Variants in PHTF2 observed in about 807,000 individuals in gnomAD.
PHTF2 encodes the protein putative homeodomain transcription factor 2, also known as protein PHTF2.
PHTF2 carries 60 observed loss-of-function variants against 101.2 expected under a neutral mutation model. That is an observed-to-expected ratio of 0.59 (90% CI 0.48 to 0.73). The LOEUF is 0.73. PHTF2 is among the 30% of genes least tolerant of loss of function. The pLI, the probability that PHTF2 is intolerant of heterozygous loss-of-function variation, is 0.00. For synonymous variants in PHTF2, 311 were observed against 307.3 expected, an observed-to-expected ratio of 1.01 and a Z score of -0.13; for missense variants, 747 against 908.7, an observed-to-expected ratio of 0.82 and a Z score of 2.29.
rs190958971 is a variant in PHTF2 at position 77,926,012 on chromosome 7, C to T, written c.1120-3097C>T. 5.4e-3 allele frequency among the ~76,000 whole-genome samples: 826 copies of T among 151,836 alleles called. 8 individuals carry two copies. Among genetic ancestry groups the T allele is most frequent in the African/African-American group, 0.019 (781 of 41,426 alleles). Reference sequence around the variant, plus strand: ...CAGAGGTTGCAGTGAGCCGAGATCACGCCACTGCATCCAGCGTGGTGACAG... The same window carrying T: ...CAGAGGTTGCAGTGAGCCGAGATCATGCCACTGCATCCAGCGTGGTGACAG... On this transcript the variant is annotated intron_variant, in intron 11 of 19. Transcript: ENST00000416283.
At chr7:77,908,936 A>G in exon 8 of PHTF2, 1 of 1,607,954 alleles carries the variant, frequency 6.2e-7, no homozygotes, top group Non-Finnish European at 8.5e-7. Flanking sequence ...ACCTCCTCTA[A>G]GTACAGGGGG....
At chr7:77,888,732 T>G (rs1800095242) in intron 3 of PHTF2, among the ~76,000 whole-genome samples, 1 of 152,204 alleles carries the variant, frequency 6.6e-6, no homozygotes, top group South Asian at 2.1e-4. Context: ...GAACTATAAT[T>G]GAACTTGGCC....
chr7:77,898,951 C>A (rs1801128572), intron 5 of PHTF2, among the ~76,000 whole-genome samples: 1 of 152,078 alleles, frequency 6.6e-6, no homozygotes, highest in Non-Finnish European at 1.5e-5. Flanking sequence ...CAGGCGAGTG[C>A]CACCATGCCC....
chr7:77,931,254 T>G lies in PHTF2; in HGVS notation c.1338+1927T>G, dbSNP rs1183051991. On this transcript the variant is annotated intron_variant, in intron 12 of 19. Transcript: ENST00000416283. ...AAGATATAAAAAGCACAAACAAAAA[T>G]GGAGAGATAAATTTGAATATCTTAA... Among the ~76,000 whole-genome samples the G allele has an allele frequency of 2.0e-5, 3 of 152,252 alleles. No individual in the cohort carries two copies. In the East Asian group the frequency reaches 5.8e-4, roughly 29 times the overall value.
intron 5 of PHTF2, among the ~76,000 whole-genome samples, chr7:77,899,829 T>G (rs1374407914): frequency 2.6e-5 from 4 of 152,226 alleles, no homozygotes; most frequent in Non-Finnish European, 4.4e-5. Context: ...TAAACACTTG[T>G]GTCATCTCGC....
intron 1 of PHTF2, among the ~76,000 whole-genome samples, chr7:77,823,115 A>G (rs1794433706): frequency 6.6e-6 from 1 of 152,022 alleles, no homozygotes; most frequent in African/African-American, 2.4e-5. Flanking sequence ...CGTGTTAGCC[A>G]GGATGGTCTC....
chr7:77,818,298 A>G (rs761345995), intron 1 of PHTF2, among the ~76,000 whole-genome samples: 9 of 152,040 alleles, frequency 5.9e-5, no homozygotes, highest in South Asian at 2.1e-4. Flanking sequence ...TTTGTTGCCT[A>G]TGTTTTTGAG....
Position 77,946,002 on chromosome 7 carries a change from A to G in PHTF2, c.1959+3216A>G, listed in dbSNP as rs796793696. ...CTAATATAACCTTGATGCCAGTACCATAGAGCTAGTATGAAAATGGGAAAC... is the reference window on the plus strand; with the variant it reads ...CTAATATAACCTTGATGCCAGTACCGTAGAGCTAGTATGAAAATGGGAAAC... On this transcript the variant is annotated intron_variant, in intron 16 of 19. Coordinates refer to ENST00000416283, the Ensembl canonical transcript of PHTF2. Among the ~76,000 whole-genome samples, 4 of 152,316 alleles carry G rather than the reference A, an allele frequency of 2.6e-5. No homozygotes were observed. In the South Asian group the frequency reaches 6.2e-4, roughly 24 times the overall value.
At chr7:77,867,676 G>A (rs188389398) in intron 3 of PHTF2, among the ~76,000 whole-genome samples, 170 of 152,308 alleles carry the variant, frequency 1.1e-3, no homozygotes, top group African/African-American at 3.7e-3. Context: ...GGGAAAGGGC[G>A]CAGCTAAGGA....
chr7:77,870,041 C>G (rs2150710583), intron 3 of PHTF2, among the ~76,000 whole-genome samples: 1 of 152,130 alleles, frequency 6.6e-6, no homozygotes, highest in East Asian at 1.9e-4. Flanking sequence ...TGCAGGTTGT[C>G]TCTTCACTCT....
intron 3 of PHTF2, among the ~76,000 whole-genome samples, chr7:77,889,602 T>TC (rs893608534): frequency 6.7e-6 from 1 of 148,966 alleles, no homozygotes; most frequent in African/African-American, 2.5e-5. Context: ...TCCTTTTTTT[T>TC]TTTTTTTGAG....
At chr7:77,883,263 A>G (rs1799561283) in intron 3 of PHTF2, among the ~76,000 whole-genome samples, 1 of 152,150 alleles carries the variant, frequency 6.6e-6, no homozygotes, top group South Asian at 2.1e-4. Flanking sequence ...TTTCTGGATG[A>G]GATTTGTCTG....
At chr7:77,881,081 ACT>A (rs925357537) in intron 3 of PHTF2, among the ~76,000 whole-genome samples, 2 of 151,560 alleles carry the variant, frequency 1.3e-5, no homozygotes, top group African/African-American at 4.9e-5. Context: ...CATTCCCCAA[ACT>A]CCCCAGCTTC....
intron 1 of PHTF2, among the ~76,000 whole-genome samples, chr7:77,812,216 A>G (rs982394823): frequency 1.3e-5 from 2 of 152,226 alleles, no homozygotes; most frequent in Admixed American, 6.5e-5. Context: ...TGCTGATTAT[A>G]TTAAGTTGTT....
chr7:77,899,399 G>A (rs1051228289), intron 5 of PHTF2, among the ~76,000 whole-genome samples: 1 of 151,926 alleles, frequency 6.6e-6, no homozygotes, highest in African/African-American at 2.4e-5. Context: ...TAGGGCAAAA[G>A]CACCGTGAAC....
At chr7:77,942,620 T>G (rs1805720236) in intron 15 of PHTF2, 80 bp from the exon 15 acceptor site, 4 of 768,418 alleles carry the variant, frequency 5.2e-6, no homozygotes, top group Non-Finnish European at 8.5e-6. Flanking sequence ...ACACCTTTAT[T>G]GAAACCATGG....
intron 11 of PHTF2, among the ~76,000 whole-genome samples, chr7:77,924,427 T>G (rs930315805): frequency 1.3e-5 from 2 of 152,172 alleles, no homozygotes; most frequent in African/African-American, 4.8e-5. Context: ...TGATTCCTGA[T>G]TGTCGTTTGT....
chr7:77,862,904 T>G lies in PHTF2; in HGVS notation c.147+8070T>G, dbSNP rs1797759468. Among the ~76,000 whole-genome samples, 3 of 152,340 alleles carry G rather than the reference T, an allele frequency of 2.0e-5. No individual in the cohort carries two copies. In the South Asian group the frequency reaches 6.2e-4, roughly 32 times the overall value. Reference sequence around the variant, plus strand: ...CTAAAACACTGTAGTTAACCTGCTGTATGTTTACAGTTCTACAAAGAATGA... The same window carrying G: ...CTAAAACACTGTAGTTAACCTGCTGGATGTTTACAGTTCTACAAAGAATGA... On this transcript the variant is annotated intron_variant, in intron 3 of 19. Transcript: ENST00000416283.
chr7:77,916,606 G>A (rs1462102901), intron 9 of PHTF2, among the ~76,000 whole-genome samples: 1 of 152,006 alleles, frequency 6.6e-6, no homozygotes, highest in East Asian at 1.9e-4. Context: ...ATCCATGGGA[G>A]ATTGGTTCTG....
Sources: allele counts gnomAD v4.1 joint callset (sites outside exome capture counted in the v4.1 genomes callset), GRCh38; gene constraint gnomAD v4.1.1; transcripts MANE v1.5; gene names NCBI Gene and HGNC (gene_info 2026-07-23, HGNC 2026-07-21).